ADGRV1: variants seen among roughly 807,000 people sequenced by gnomAD.
The protein encoded by ADGRV1 is adhesion G protein-coupled receptor V1.
ADGRV1 carries 359 observed loss-of-function variants against 596.2 expected under a neutral mutation model. The observed-to-expected ratio is 0.60, with a 90% confidence interval of 0.55 to 0.66. The LOEUF (loss-of-function observed/expected upper bound fraction) is 0.66, where lower values mean the gene tolerates loss of function less well. Ranked by LOEUF, ADGRV1 falls within the 30% of genes least tolerant of loss-of-function variation. The pLI is 0.00. For synonymous variants in ADGRV1, 2,681 were observed against 2,679.2 expected, an observed-to-expected ratio of 1.00 and a Z score of -0.02; for missense variants, 7,274 against 7,575.6, an observed-to-expected ratio of 0.96 and a Z score of 1.48.
chr5:91,072,528 G>A lies in ADGRV1; in HGVS notation c.18234G>A (p.Val6078=), dbSNP rs766418513. ...CGTGCCTCGTGGTGGTGTTCGTGGT[G>A]TTCATCCATGCCTACCAGGTGAAGC... is the stretch of plus-strand genomic sequence containing the variant. ...PLTCLVVVFV[V]FIHAYQVKPQ... The change falls in exon 86 of 90, where the codon GTG becomes GTA. Residue 6078 remains valine, a synonymous_variant. Transcript: ENST00000405460. 3.1e-6 allele frequency: 5 copies of A among 1,613,800 alleles called. No homozygotes were observed. The highest frequency in any genetic ancestry group is 8.5e-7 in the Non-Finnish European group (1 of 1,179,722).
chr5:90,699,319 G>T (rs946471465), intron 34 of ADGRV1, among the ~76,000 whole-genome samples: 1 of 152,166 alleles, frequency 6.6e-6, no homozygotes, highest in African/African-American at 2.4e-5. Context: ...TTCACAGCAT[G>T]AAGTTTTGAG....
At chr5:90,968,790 G>A (rs1225790516) in intron 84 of ADGRV1, among the ~76,000 whole-genome samples, 1 of 152,094 alleles carries the variant, frequency 6.6e-6, no homozygotes, top group Non-Finnish European at 1.5e-5. Context: ...GTTGAATTAG[G>A]TTGAATAAAA....
At chr5:90,976,569 A>G (rs1779634699) in intron 84 of ADGRV1, among the ~76,000 whole-genome samples, 1 of 151,996 alleles carries the variant, frequency 6.6e-6, no homozygotes, top group Admixed American at 6.6e-5. Context: ...CATAGAATAA[A>G]TTCCTAGGAA....
chr5:90,824,943 T>C lies in ADGRV1; in HGVS notation c.16368+1347T>C, dbSNP rs1474019084. Among the ~76,000 whole-genome samples the C allele has an allele frequency of 2.0e-5, 3 of 152,154 alleles. No individual in the cohort carries two copies. The East Asian group carries it at 5.8e-4, about 29-fold the overall frequency. ...CCCTCTCAACCCCATATTTCTTTTTTTTTTCTTTTTTGAGGTGGAGTCTCA... is the reference window on the plus strand; with the variant it reads ...CCCTCTCAACCCCATATTTCTTTTTCTTTTCTTTTTTGAGGTGGAGTCTCA... On this transcript the variant is annotated intron_variant, in intron 76 of 89. Coordinates refer to ENST00000405460, the MANE Select transcript of ADGRV1 (RefSeq NM_032119.4).
chr5:90,637,787 GC>G lies in ADGRV1; in HGVS notation c.2082del (p.Ser695LeufsTer8). On this transcript the variant is annotated frameshift_variant, in exon 11 of 90. Transcript: ENST00000405460. LOFTEE classifies it high-confidence loss of function. The stretch of plus-strand genomic sequence containing the variant: ...AGGCTACTGTCTACTGGAGTTTGAA[GC>G]CCTCTGGCTTTAATTCAAAAGCAGT... Reference protein sequence around the residue: ...GQATVYWSLKPSGFNSKAVTP... With the variant: ...GQATVYWSLKXSGFNSKAVTP... 1 of 1,613,522 alleles carries G rather than the reference GC, an allele frequency of 6.2e-7. No individual in the cohort carries two copies. The highest frequency in any genetic ancestry group is 8.5e-7 in the Non-Finnish European group (1 of 1,179,708).
chr5:91,013,369 C>A (rs1412591678), intron 85 of ADGRV1, among the ~76,000 whole-genome samples: 1 of 152,086 alleles, frequency 6.6e-6, no homozygotes, highest in Non-Finnish European at 1.5e-5. Flanking sequence ...ACCCTGACAG[C>A]ATCTGTTATT....
At chr5:90,930,316 C>A (rs141438365) in intron 83 of ADGRV1, among the ~76,000 whole-genome samples, 27 of 152,146 alleles carry the variant, frequency 1.8e-4, no homozygotes, top group African/African-American at 6.5e-4. Context: ...TGAGTCCTTC[C>A]GGCAAACTCC....
chr5:90,886,384 G>A (rs1333265902), intron 83 of ADGRV1, among the ~76,000 whole-genome samples: 1 of 152,100 alleles, frequency 6.6e-6, no homozygotes, highest in Non-Finnish European at 1.5e-5. Context: ...CTCTATAGCA[G>A]TATTTAACAA....
intron 85 of ADGRV1, among the ~76,000 whole-genome samples, chr5:91,060,394 A>AT (rs1318036206): frequency 0.022 from 388 of 17,902 alleles, 6 homozygotes; most frequent in African/African-American, 0.052. Context: ...ATATATATAT[A>AT]TATATTTTTT....
At chr5:90,973,722 A>G (rs1261740046) in intron 84 of ADGRV1, among the ~76,000 whole-genome samples, 5 of 152,198 alleles carry the variant, frequency 3.3e-5, no homozygotes, top group Non-Finnish European at 5.9e-5. Context: ...AGAGCTCTTT[A>G]TGACAAACCT....
Position 90,692,752 on chromosome 5 carries a change from A to T in ADGRV1, c.7099A>T (p.Arg2367Ter). The T allele has an allele frequency of 6.2e-7, 1 of 1,605,420 alleles. No individual in the cohort carries two copies. Among genetic ancestry groups the T allele is most frequent in the Non-Finnish European group, 8.5e-7 (1 of 1,175,846 alleles). Residue 2367 changes from arginine to a stop codon, truncating the protein, a stop_gained, in exon 32 of 90, where the codon AGA becomes TGA. Transcript: ENST00000405460. LOFTEE classifies it high-confidence loss of function. ...TTATCGTGTTCAAGAGCCTCTGGAA[A>T]GAAGTTCCTGTGCTAATATAACTGT... ...MVYRVQEPLE[R>*]SSCANITVRR... is the part of the protein sequence containing the mutation.
intron 59 of ADGRV1, among the ~76,000 whole-genome samples, chr5:90,764,092 G>T (rs1756817739): frequency 6.6e-6 from 1 of 152,100 alleles, no homozygotes; most frequent in South Asian, 2.1e-4. Context: ...GTGATAAGGG[G>T]GTGTACCAAC....
At chr5:90,961,833 CT>C (rs1778058104) in intron 83 of ADGRV1, among the ~76,000 whole-genome samples, 1 of 151,962 alleles carries the variant, frequency 6.6e-6, no homozygotes, top group Non-Finnish European at 1.5e-5. Context: ...ATTTATTTTT[CT>C]TTTCTCTTAA....
At chr5:90,703,611 A>C in intron 34 of ADGRV1, 54 bp from the exon 35 acceptor site, 1 of 1,371,184 alleles carries the variant, frequency 7.3e-7, no homozygotes, top group South Asian at 1.3e-5. Context: ...TTGAGTTCAA[A>C]TGTGAAGTTT....
rs1778225775 is a variant in ADGRV1 at position 90,963,797 on chromosome 5, A to G, written c.17857-1618A>G. On this transcript the variant is annotated intron_variant, in intron 83 of 89. Coordinates refer to ENST00000405460, the MANE Select transcript of ADGRV1 (RefSeq NM_032119.4). ...AAGATTTTTTAAAAATCTATACTTG[A>G]TCAGGCAGGCACAGGAAGGTACTTA... 1.3e-5 allele frequency among the ~76,000 whole-genome samples: 2 copies of G among 151,074 alleles called. 1 individual carries two copies. Among genetic ancestry groups the G allele is most frequent in the Admixed American group, 1.3e-4 (2 of 15,078 alleles).
In ADGRV1 at chr5:90,778,545, G is replaced by A. The variant is rs200064826; in HGVS notation, c.12785G>A (p.Ser4262Asn). ...SSTANITVVA[S>N]DSPYGRFAFS... The stretch of plus-strand genomic sequence containing the variant: ...ACTGCCAACATCACGGTGGTGGCCA[G>A]CGACTCTCCCTATGGCCGATTTGCC... The change falls in exon 63 of 90, where the codon AGC (serine) becomes AAC (asparagine). Residue 4262 changes from serine to asparagine, a missense_variant. By Grantham distance (46) the Ser-to-Asn change is conservative. This residue lies in a region of ADGRV1 where 3,643 missense variants were observed against 3,809.2 expected (regional missense o/e 0.96). Coordinates refer to ENST00000405460, the MANE Select transcript of ADGRV1 (RefSeq NM_032119.4). 1.3e-4 allele frequency: 212 copies of A among 1,612,800 alleles called. No homozygotes were observed. Among genetic ancestry groups the A allele is most frequent in the Non-Finnish European group, 5.9e-5 (70 of 1,179,346 alleles).
chr5:90,823,228 G>A (rs1486513427), intron 75 of ADGRV1, among the ~76,000 whole-genome samples, 197 bp from the exon 76 acceptor site: 1 of 152,132 alleles, frequency 6.6e-6, no homozygotes, highest in Non-Finnish European at 1.5e-5. Context: ...TAAGCCCTGA[G>A]GCTTAATCCT....
chr5:90,726,265 A>G (rs991842160), intron 48 of ADGRV1, among the ~76,000 whole-genome samples: 3 of 152,168 alleles, frequency 2.0e-5, no homozygotes, highest in Non-Finnish European at 4.4e-5. Context: ...CCTCTCACAT[A>G]AGTGCCCACC....
In ADGRV1 at chr5:90,740,955, C is replaced by T. The variant is rs561662971; in HGVS notation, c.10550-4091C>T. ...TCTGTGGTCCAAGGGGTTGTTTCAG[C>T]CTCACTCCCATGTTCTGGGATATTC... is the stretch of plus-strand genomic sequence containing the variant. On this transcript the variant is annotated intron_variant, in intron 50 of 89. Transcript: ENST00000405460. Among the ~76,000 whole-genome samples, 5 of 152,258 alleles carry T rather than the reference C, an allele frequency of 3.3e-5. No homozygotes were observed. In the South Asian group the frequency reaches 1.0e-3, roughly 32 times the overall value.
Sources: allele counts gnomAD v4.1 joint callset (sites outside exome capture counted in the v4.1 genomes callset), GRCh38; gene constraint gnomAD v4.1.1; regional missense constraint gnomAD v4.1.1; transcripts MANE v1.5; gene names NCBI Gene and HGNC (gene_info 2026-07-23, HGNC 2026-07-21).